ERGIC1: variants seen among roughly 807,000 people sequenced by gnomAD.
The protein encoded by ERGIC1 is endoplasmic reticulum-Golgi intermediate compartment protein 1.
In ERGIC1, 19 loss-of-function variants were observed where a neutral mutation model predicts 38.3. The ratio of observed to expected loss-of-function variants is 0.50; its 90% CI spans 0.35 to 0.73. The LOEUF (loss-of-function observed/expected upper bound fraction) is 0.73, where lower values mean the gene tolerates loss of function less well. Among genes scored for constraint, ERGIC1 ranks in the 30% least tolerant of loss-of-function variants. The pLI is 0.01. For synonymous variants in ERGIC1, 124 were observed against 157.6 expected (o/e 0.79, Z 1.60); for missense variants, 294 against 389.2 (o/e 0.76, Z 2.06).
At chr5:172,928,726 A>G (rs1284030113) in intron 7 of ERGIC1, among the ~76,000 whole-genome samples, 1 of 152,132 alleles carries the variant, frequency 6.6e-6, no homozygotes, top group African/African-American at 2.4e-5. Flanking sequence ...CTCCTGCCAG[A>G]TGGTGGTGGA....
At chr5:172,881,094 A>C (rs531166993) in intron 1 of ERGIC1, among the ~76,000 whole-genome samples, 1 of 152,272 alleles carries the variant, frequency 6.6e-6, no homozygotes, top group East Asian at 1.9e-4. Context: ...ATAAAAATAC[A>C]AAATTAGCTG....
chr5:172,838,386 G>A (rs775905312), intron 1 of ERGIC1, among the ~76,000 whole-genome samples: 5 of 152,132 alleles, frequency 3.3e-5, no homozygotes, highest in Non-Finnish European at 4.4e-5. Flanking sequence ...CAGGTCATGC[G>A]GCCCTGATGG....
chr5:172,884,971 G>A (rs899104192), intron 1 of ERGIC1, among the ~76,000 whole-genome samples: 3 of 151,934 alleles, frequency 2.0e-5, no homozygotes, highest in African/African-American at 7.3e-5. Flanking sequence ...GTACATGTTT[G>A]ACCAGTCTCT....
At chr5:172,924,828 C>G (rs139424280) in intron 6 of ERGIC1, among the ~76,000 whole-genome samples, 34 of 152,258 alleles carry the variant, frequency 2.2e-4, no homozygotes, top group African/African-American at 5.5e-4. Context: ...TCCATCTAGT[C>G]AACAAATATT....
At position 172,932,548 on chromosome 5, in the gene ERGIC1, G is replaced by A. The variant is rs1185885558; in HGVS notation, c.642+12G>A. On this transcript the variant is annotated intron_variant, in intron 8 of 9. Transcript: ENST00000393784. ...CGGTGGCCAACAAGGTGCGCGGGCG[G>A]TGGCTGGGCCGAGCTGTGTGCGGCG... 6.2e-7 allele frequency: 1 copy of A among 1,613,204 alleles called. No homozygotes were observed. Among genetic ancestry groups the A allele is most frequent in the Non-Finnish European group, 8.5e-7 (1 of 1,179,510 alleles).
intron 3 of ERGIC1, chr5:172,905,279 C>T (rs916867259): frequency 3.3e-6 from 1 of 306,904 alleles, no homozygotes; most frequent in African/African-American, 2.2e-5. Context: ...TGTTAATCAC[C>T]CAGCAATTTC....
At chr5:172,902,515 G>A (rs916376891) in intron 3 of ERGIC1, among the ~76,000 whole-genome samples, 1 of 152,262 alleles carries the variant, frequency 6.6e-6, no homozygotes. Context: ...GATGGGTTTG[G>A]TGTGGGGCCA....
intron 1 of ERGIC1, among the ~76,000 whole-genome samples, chr5:172,886,870 A>G (rs967303406): frequency 1.3e-5 from 2 of 152,148 alleles, no homozygotes; most frequent in Non-Finnish European, 2.9e-5. Flanking sequence ...CTCAGTGTTA[A>G]AGCGGCCCCC....
chr5:172,839,962 A>T lies in ERGIC1; in HGVS notation c.20+5529A>T, dbSNP rs1229651001. ...TTTTCCATTCACTAAATTCAGAGAG[A>T]ACTGAGAACTCTTCTAATTGGATTC... On this transcript the variant is annotated intron_variant, in intron 1 of 9. Coordinates refer to ENST00000393784, the MANE Select transcript of ERGIC1 (RefSeq NM_001031711.3). 5.3e-5 allele frequency among the ~76,000 whole-genome samples: 8 copies of T among 152,198 alleles called. No individual in the cohort carries two copies. The South Asian group carries it at 6.2e-4, about 12-fold the overall frequency.
intron 1 of ERGIC1, among the ~76,000 whole-genome samples, chr5:172,836,465 C>T (rs935111962): frequency 1.3e-5 from 2 of 152,286 alleles, no homozygotes; most frequent in South Asian, 2.1e-4. Flanking sequence ...GGGCTCACTG[C>T]GGAATGGTGA....
intron 9 of ERGIC1, among the ~76,000 whole-genome samples, chr5:172,950,041 C>T (rs113618819): frequency 3.9e-4 from 60 of 152,290 alleles, no homozygotes; most frequent in African/African-American, 1.4e-3. Context: ...CCACTGCACT[C>T]CAGCCTGGAA....
At chr5:172,902,423 A>G (rs1762907121) in intron 3 of ERGIC1, among the ~76,000 whole-genome samples, 1 of 152,220 alleles carries the variant, frequency 6.6e-6, no homozygotes, top group Non-Finnish European at 1.5e-5. Context: ...CATGAAGGAC[A>G]TTGCTCTTAG....
At position 172,932,453 on chromosome 5, in the gene ERGIC1, T is replaced by A; in HGVS notation, c.559T>A (p.Tyr187Asn). 1 of 1,614,178 alleles carries A rather than the reference T, an allele frequency of 6.2e-7. No homozygotes were observed. The highest frequency in any genetic ancestry group is 8.5e-7 in the Non-Finnish European group (1 of 1,180,026). The change falls in exon 8 of 10, where the codon TAC becomes AAC. Residue 187 changes from tyrosine (Y) to asparagine (N), a missense_variant. Physicochemically the swap from Tyr to Asn is moderately radical, Grantham distance 143. Transcript: ENST00000393784. Reference sequence around the variant, plus strand: ...TCCCGCAGCCCTGGCCTCCCACGACTACATCCTGAAGATTGTGCCCACGGT... The same window carrying A: ...TCCCGCAGCCCTGGCCTCCCACGACAACATCCTGAAGATTGTGCCCACGGT... ...LTSNPLASHD[Y>N]ILKIVPTVYE... is the part of the protein sequence containing the mutation.
chr5:172,848,331 G>T (rs1005336359), intron 1 of ERGIC1, among the ~76,000 whole-genome samples: 1 of 152,204 alleles, frequency 6.6e-6, no homozygotes, highest in Admixed American at 6.5e-5. Flanking sequence ...ATTTTCCATT[G>T]TGATGAGTGC....
chr5:172,935,880 C>G (rs575711727), intron 9 of ERGIC1: 1 of 153,984 alleles, frequency 6.5e-6, no homozygotes, highest in East Asian at 1.9e-4. Context: ...CCTGGCCTCC[C>G]ATTCAGAAGG....
intron 9 of ERGIC1, among the ~76,000 whole-genome samples, chr5:172,946,256 G>A (rs1323829933): frequency 6.6e-6 from 1 of 152,182 alleles, no homozygotes; most frequent in African/African-American, 2.4e-5. Flanking sequence ...CAGGCTGTGG[G>A]AACTAAGTGT....
At position 172,912,443 on chromosome 5, in the gene ERGIC1, G is replaced by A. The variant is rs184833163; in HGVS notation, c.251-2271G>A. Among the ~76,000 whole-genome samples the A allele has an allele frequency of 7.2e-5, 11 of 151,856 alleles. No homozygotes were observed. In the South Asian group the frequency reaches 1.5e-3, roughly 20 times the overall value. ...CACACTGTCACCCAGGCTGGAGTGC[G>A]ATGGCGCGATCTTAGCTCACTGCAA... On this transcript the variant is annotated intron_variant, in intron 4 of 9. Transcript: ENST00000393784.
chr5:172,883,897 C>T (rs1354229439), intron 1 of ERGIC1, among the ~76,000 whole-genome samples: 1 of 152,116 alleles, frequency 6.6e-6, no homozygotes, highest in African/African-American at 2.4e-5. Context: ...GTGGGAGGAT[C>T]GCCTGAGCCT....
chr5:172,950,067 A>G (rs1353239443), intron 9 of ERGIC1, among the ~76,000 whole-genome samples: 1 of 152,182 alleles, frequency 6.6e-6, no homozygotes, highest in Admixed American at 6.5e-5. Flanking sequence ...AAAAAAAAGA[A>G]AAAGAAAAAG....
Sources: allele counts gnomAD v4.1 joint callset (sites outside exome capture counted in the v4.1 genomes callset), GRCh38; gene constraint gnomAD v4.1.1; transcripts MANE v1.5; gene names NCBI Gene and HGNC (gene_info 2026-07-23, HGNC 2026-07-21).